The following ANAPC5 variants were observed in gnomAD, a reference collection of about 807,000 sequenced individuals.
ANAPC5 encodes the protein anaphase-promoting complex subunit 5.
In ANAPC5, 60 loss-of-function variants were observed where a neutral mutation model predicts 91.3. That is an observed-to-expected ratio of 0.66 (90% CI 0.53 to 0.81). The LOEUF is 0.81. Ranked by LOEUF, ANAPC5 falls within the 40% of genes least tolerant of loss-of-function variation. ANAPC5 has a pLI of 0.00. For synonymous variants in ANAPC5, 340 were observed against 364.1 expected (o/e 0.93, Z 0.75); for missense variants, 690 against 931.5 (o/e 0.74, Z 3.37).
At chr12:121,353,472 CCT>C (rs1903982205), upstream of ANAPC5, among the ~76,000 whole-genome samples, 1 of 111,918 alleles carries the variant, frequency 8.9e-6, no homozygotes, top group Admixed American at 9.8e-5. Flanking sequence ...GACGGAGTCT[CCT>C]CTGTCGCCCA....
chr12:121,322,152 C>T (rs954115846), intron 11 of ANAPC5, among the ~76,000 whole-genome samples: 5 of 150,792 alleles, frequency 3.3e-5, no homozygotes, highest in African/African-American at 1.2e-4. Context: ...GCGTGAGCCA[C>T]CGCACCTGGC....
At chr12:121,352,537 A>T, upstream of ANAPC5, 1 of 564,570 alleles carries the variant, frequency 1.8e-6, no homozygotes. Flanking sequence ...GTCAGAATGT[A>T]CAAGAGTGCG....
chr12:121,320,211 T>A (rs1902541774), intron 12 of ANAPC5, among the ~76,000 whole-genome samples, 174 bp downstream of exon 12: 2 of 152,234 alleles, frequency 1.3e-5, no homozygotes, highest in African/African-American at 4.8e-5. Context: ...ACATAGAGTA[T>A]GAGCCTGTGT....
intron 3 of ANAPC5, 73 bp downstream of exon 3, chr12:121,346,823 A>G: frequency 2.3e-6 from 2 of 880,436 alleles, no homozygotes; most frequent in Non-Finnish European, 3.5e-6. Context: ...TAGCAGAACA[A>G]TGATAGACAT....
rs1461383934 is a variant in ANAPC5 at position 121,331,446 on chromosome 12, A to G, written c.951-18T>C. On this transcript the variant is annotated intron_variant, in intron 7 of 16. Transcript: ENST00000261819. ...CCTGTTGACTAATGACAGACTAAAC[A>G]TTAATATCCCATTAATAATCACAAA... 1.9e-6 allele frequency: 3 copies of G among 1,590,496 alleles called. No homozygotes were observed. The highest frequency in any genetic ancestry group is 2.6e-6 in the Non-Finnish European group (3 of 1,160,156).
At chr12:121,354,083 G>A (rs1903999517), upstream of ANAPC5, among the ~76,000 whole-genome samples, 1 of 151,108 alleles carries the variant, frequency 6.6e-6, no homozygotes, top group Non-Finnish European at 1.5e-5. Context: ...CTACCTCCCG[G>A]GTTCAAGCAA....
At chr12:121,352,062 C>T in intron 1 of ANAPC5, 72 bp downstream of exon 1, 1 of 1,417,952 alleles carries the variant, frequency 7.1e-7, no homozygotes, top group Non-Finnish European at 9.5e-7. Context: ...GTCCCCAAGC[C>T]CAGGGTTCCG....
At chr12:121,345,714 T>C in intron 4 of ANAPC5, 125 bp downstream of exon 4, 1 of 1,008,968 alleles carries the variant, frequency 9.9e-7, no homozygotes, top group Non-Finnish European at 1.5e-6. Flanking sequence ...TCAGTTAACT[T>C]CCCAGATCTG....
chr12:121,344,241 A>G (rs1427577034), intron 4 of ANAPC5, among the ~76,000 whole-genome samples: 8 of 152,212 alleles, frequency 5.3e-5, no homozygotes, highest in Admixed American at 5.2e-4. Flanking sequence ...AAGTAAATTA[A>G]GAAGGTTACT....
rs370468197 is a variant in ANAPC5 at position 121,330,498 on chromosome 12, C to T, written c.1122+85G>A. ...ACTTTGAAACCCATTCTAAATCTATCGCTGGTTAATGACAGAGGTGGGCAG... is the reference window on the plus strand; with the variant it reads ...ACTTTGAAACCCATTCTAAATCTATTGCTGGTTAATGACAGAGGTGGGCAG... On this transcript the variant is annotated intron_variant, in intron 9 of 16. Transcript: ENST00000261819. 4 of 1,074,550 alleles carry T rather than the reference C, an allele frequency of 3.7e-6. No individual in the cohort carries two copies. In the African/African-American group the frequency reaches 4.7e-5, roughly 13 times the overall value. 66.6% of individuals were successfully genotyped at this position (1,074,550 alleles called of 1,614,324 possible).
rs140767578 is a variant in ANAPC5 at position 121,313,012 on chromosome 12, G to A, written c.1894-3149C>T. On this transcript the variant is annotated intron_variant, in intron 15 of 16. Transcript: ENST00000261819. ...AAGAAAGAAGATCTCAAATCAATAA[G>A]CGAATCTTCCACCTTAAGAAACTAG... Among the ~76,000 whole-genome samples the A allele has an allele frequency of 8.1e-3, 1,229 of 152,234 alleles. 16 individuals are homozygous for A. The highest frequency in any genetic ancestry group is 0.043 in the South Asian group (210 of 4,830).
At position 121,352,227 on chromosome 12, in the gene ANAPC5, C is replaced by A; in HGVS notation, c.114G>T (p.Leu38=). Residue 38 remains leucine, a synonymous_variant, in exon 1 of 17, where the codon CTG becomes CTT. Transcript: ENST00000261819. ...DWVTPYKIAV[L]VLLNEMSRTG... ...TGCGGCTCATCTCGTTCAGCAGCAC[C>A]AGCACCGCGATCTTGTACGGCGTCA... is the stretch of plus-strand genomic sequence containing the variant. 1 of 1,614,174 alleles carries A rather than the reference C, an allele frequency of 6.2e-7. No homozygotes were observed. The highest frequency in any genetic ancestry group is 2.2e-5 in the East Asian group (1 of 44,874).
At chr12:121,333,016 C>A (rs548298027) in intron 7 of ANAPC5, 1 of 151,970 alleles carries the variant, frequency 6.6e-6, no homozygotes, top group African/African-American at 2.4e-5. Context: ...AAATTCTGTT[C>A]ATCAAAATAT....
rs1902908330 is a variant in ANAPC5, at chr12:121,328,595, GCA to G, written c.1123-100_1123-99del. 6 of 1,109,338 alleles carry G rather than the reference GCA, an allele frequency of 5.4e-6. No individual in the cohort carries two copies. The Admixed American group carries it at 6.4e-5, about 12-fold the overall frequency. The allele number at this position is 1,109,338 out of a possible 1,614,324, so 68.7% of individuals were successfully genotyped here. On this transcript the variant is annotated intron_variant, in intron 9 of 16. Coordinates refer to ENST00000261819, the MANE Select transcript of ANAPC5 (RefSeq NM_016237.5). ...TGGTGGATTTCACATTTCAGCACAT[GCA>G]CAGTGACAGCACTATTTAAAAGGAA... is the stretch of plus-strand genomic sequence containing the variant.
intron 4 of ANAPC5, among the ~76,000 whole-genome samples, chr12:121,344,399 T>A (rs1391198316): frequency 6.6e-6 from 1 of 151,902 alleles, no homozygotes; most frequent in Non-Finnish European, 1.5e-5. Context: ...GCCAACACAG[T>A]GAAACCCCAT....
chr12:121,352,264 A>C lies in ANAPC5; in HGVS notation c.77T>G (p.Ile26Ser), dbSNP rs1903924734. 1 of 1,614,136 alleles carries C rather than the reference A, an allele frequency of 6.2e-7. No homozygotes were observed. Among genetic ancestry groups the C allele is most frequent in the Non-Finnish European group, 8.5e-7 (1 of 1,179,986 alleles). Reference sequence around the variant, plus strand: ...CTTGTACGGCGTCACCCAGTCCTTGATGCCGAACACATTGGCGTGCACAAC... The same window carrying C: ...CTTGTACGGCGTCACCCAGTCCTTGCTGCCGAACACATTGGCGTGCACAAC... ...NGVVHANVFG[I>S]KDWVTPYKIA... is the part of the protein sequence containing the mutation. The change falls in exon 1 of 17, where the codon ATC becomes AGC. Residue 26 changes from isoleucine (I) to serine (S), a missense_variant. Around this residue, in one of 5 missense-constraint regions of ANAPC5, gnomAD observed 238 missense variants for 264.9 expected, o/e 0.90. Coordinates refer to ENST00000261819, the MANE Select transcript of ANAPC5 (RefSeq NM_016237.5).
chr12:121,346,870 C>G, intron 3 of ANAPC5, 26 bp downstream of exon 3: 1 of 1,432,210 alleles, frequency 7.0e-7, no homozygotes, highest in East Asian at 2.3e-5. Flanking sequence ...AAAATACTCT[C>G]TGCTCTTCTT....
chr12:121,322,573 G>A (rs182024296), intron 11 of ANAPC5, among the ~76,000 whole-genome samples: 44 of 152,164 alleles, frequency 2.9e-4, no homozygotes, highest in South Asian at 1.2e-3. Context: ...TTATATCATC[G>A]TAGTATTTTA....
intron 10 of ANAPC5, chr12:121,328,062 C>A: frequency 2.5e-6 from 1 of 394,082 alleles, no homozygotes; most frequent in Non-Finnish European, 4.6e-6. Context: ...CCCTGGTTTA[C>A]TCTCCCAGCA....
Sources: gnomAD v4.1 joint callset for allele counts (sites outside exome capture counted in the v4.1 genomes callset) on GRCh38, gnomAD v4.1.1 for gene constraint, gnomAD v4.1.1 regional missense constraint, MANE v1.5 for transcripts, NCBI Gene and HGNC (gene_info 2026-07-23, HGNC 2026-07-21) for gene names.